TET3: variants seen among roughly 807,000 people sequenced by gnomAD.
The protein encoded by TET3 is tet methylcytosine dioxygenase 3, also known as methylcytosine dioxygenase TET3.
TET3 carries 19 observed loss-of-function variants against 141.4 expected under a neutral mutation model. The observed-to-expected ratio is 0.13, with a 90% CI of 0.09 to 0.20. The LOEUF is 0.20. TET3 is among the 10% of genes least tolerant of loss of function. The pLI is 1.00. For missense variants in TET3, 1,874 were observed against 2,356.9 expected (o/e 0.80, Z 4.24); for synonymous variants, 1,043 against 980.9 (o/e 1.06, Z -1.18).
the TET3 span, among the ~76,000 whole-genome samples, chr2:74,126,163 TGAAATCTGGA>T: frequency 6.7e-6 from 1 of 149,798 alleles, no homozygotes; most frequent in Admixed American, 6.8e-5. Context: ...TAGAGCCAAT[TGAAATCTGGA>T]GAAATTTGGT....
chr2:74,092,839 T>A, intron 8 of TET3, 63 bp from the exon 9 acceptor site: 1 of 1,429,120 alleles, frequency 7.0e-7, no homozygotes, highest in Non-Finnish European at 9.7e-7. Flanking sequence ...CCAGTCCACT[T>A]CCAGGGTGCA....
intron 3 of TET3, among the ~76,000 whole-genome samples, chr2:74,023,589 C>A (rs1686178432): frequency 6.6e-6 from 1 of 152,184 alleles, no homozygotes. Flanking sequence ...TTTTTCTGCA[C>A]CTTAATCCAG....
intron 8 of TET3, among the ~76,000 whole-genome samples, chr2:74,092,654 A>C (rs1056572425): frequency 6.6e-6 from 1 of 152,226 alleles, no homozygotes; most frequent in East Asian, 1.9e-4. Flanking sequence ...AAGGAGCAGT[A>C]GTTTAGCAGT....
intron 3 of TET3, among the ~76,000 whole-genome samples, chr2:74,007,463 G>A (rs1685206780): frequency 6.6e-6 from 1 of 152,204 alleles, no homozygotes; most frequent in Non-Finnish European, 1.5e-5. Context: ...GGCATTAGAT[G>A]TTTCGGATTT....
chr2:74,079,528 T>G (rs1689692843), intron 5 of TET3, among the ~76,000 whole-genome samples: 2 of 152,188 alleles, frequency 1.3e-5, no homozygotes, highest in African/African-American at 4.8e-5. Flanking sequence ...TTTACATTAT[T>G]AAAAATAATT....
In TET3 at chr2:74,071,047, A is replaced by T. The variant is rs539791609; in HGVS notation, c.2495-2502A>T. On this transcript the variant is annotated intron_variant, in intron 4 of 11. Coordinates refer to ENST00000409262, the MANE Select transcript of TET3 (RefSeq NM_001287491.2). Reference sequence around the variant, plus strand: ...TTTCTCACAGCTGTAGAGGCTGAGAATGCTAAGATCAAGGCACCAGCAGAT... The same window carrying T: ...TTTCTCACAGCTGTAGAGGCTGAGATTGCTAAGATCAAGGCACCAGCAGAT... Among the ~76,000 whole-genome samples, 131 of 152,332 alleles carry T rather than the reference A, an allele frequency of 8.6e-4. 1 individual carries two copies. The highest frequency in any genetic ancestry group is 2.8e-3 in the African/African-American group (117 of 41,570).
chr2:74,071,862 T>C (rs1182147281), intron 4 of TET3, among the ~76,000 whole-genome samples: 1 of 152,228 alleles, frequency 6.6e-6, no homozygotes, highest in East Asian at 1.9e-4. Flanking sequence ...GTCTGTTTTC[T>C]TTCACTTAGA....
rs186618499 is a variant in TET3 at position 74,039,847 on chromosome 2, T to A, written c.361-6431T>A. On this transcript the variant is annotated intron_variant, in intron 3 of 11. Transcript: ENST00000409262. ...CTGGGCTTCCTCACAGCATGGTGACTGGGCTCCAAGAGTGAGAATCCCAAG... is the reference window on the plus strand; with the variant it reads ...CTGGGCTTCCTCACAGCATGGTGACAGGGCTCCAAGAGTGAGAATCCCAAG... Among the ~76,000 whole-genome samples the A allele has an allele frequency of 1.0e-3, 159 of 152,300 alleles. 1 individual carries two copies. The highest frequency in any genetic ancestry group is 3.7e-3 in the African/African-American group (153 of 41,560).
intron 3 of TET3, among the ~76,000 whole-genome samples, chr2:74,034,912 G>A (rs1211910191): frequency 6.6e-6 from 1 of 151,954 alleles, no homozygotes; most frequent in Non-Finnish European, 1.5e-5. Context: ...GTTGTTGAGG[G>A]CCGGGCGCAG....
In TET3 at chr2:74,087,720, C is replaced by T. The variant is rs1470669131; in HGVS notation, c.2680-110C>T. On this transcript the variant is annotated intron_variant, in intron 6 of 11. Transcript: ENST00000409262. This position sits in a 1 kb window ranked among gnomAD's most constrained non-coding sequence, Gnocchi z 4.3. ...TCTTCAGGGCATGACATCCCTAGAA[C>T]CCTGCCGTTAAGACCTGCACCCTGG... is the stretch of plus-strand genomic sequence containing the variant. 9.3e-7 allele frequency: 1 copy of T among 1,071,250 alleles called. No individual in the cohort carries two copies. The highest frequency in any genetic ancestry group is 1.6e-5 in the African/African-American group (1 of 62,606). 66.4% of individuals were successfully genotyped at this position (1,071,250 alleles called of 1,614,324 possible).
Position 74,026,206 on chromosome 2 carries a change from G to C in TET3, c.361-20072G>C, listed in dbSNP as rs561177510. ...TAGCCTGGGATGGAGGCCATCGCTGGGGGGAGAGAGGGACTTTGACACTGG... is the reference window on the plus strand; with the variant it reads ...TAGCCTGGGATGGAGGCCATCGCTGCGGGGAGAGAGGGACTTTGACACTGG... On this transcript the variant is annotated intron_variant, in intron 3 of 11. Transcript: ENST00000409262. Among the ~76,000 whole-genome samples the C allele has an allele frequency of 6.6e-5, 10 of 152,240 alleles. No homozygotes were observed. The East Asian group carries it at 7.7e-4, about 12-fold the overall frequency.
intron 2 of TET3, 178 bp from the exon 3 acceptor site, chr2:74,002,932 C>A: frequency 1.6e-6 from 1 of 640,424 alleles, no homozygotes; most frequent in Non-Finnish European, 2.8e-6. Context: ...GCCTGTCTGC[C>A]GTGATCCAGG....
At chr2:73,988,553 C>T (rs540816757) in intron 2 of TET3, among the ~76,000 whole-genome samples, 1 of 152,260 alleles carries the variant, frequency 6.6e-6, no homozygotes, top group South Asian at 2.1e-4. Flanking sequence ...GCCGGGTGGT[C>T]TTGGTTAAGA....
intron 4 of TET3, among the ~76,000 whole-genome samples, chr2:74,069,584 C>CTTATCTT (rs1354423545): frequency 2.0e-5 from 3 of 151,462 alleles, no homozygotes; most frequent in African/African-American, 7.3e-5. Context: ...TATGCCCTTT[C>CTTATCTT]TTATCTTTTT....
Position 74,099,537 on chromosome 2 carries a change from C to G in TET3, c.3529C>G (p.Gln1177Glu), listed in dbSNP as rs1558793818. 3 of 1,611,698 alleles carry G rather than the reference C, an allele frequency of 1.9e-6. No individual in the cohort carries two copies. The highest frequency in any genetic ancestry group is 1.1e-5 in the South Asian group (1 of 90,626). ...RKAAAEKKKI[Q>E]KEKLSTPEKI... is the part of the protein sequence containing the mutation. ...GGCAGCAGCCGAGAAGAAGAAGATT[C>G]AGAAGGAGAAGCTGAGCACTCCGGA... The change falls in exon 11 of 12, where the codon CAG becomes GAG. Residue 1177 changes from glutamine (Q) to glutamate (E), a missense_variant. By Grantham distance (29) the Gln-to-Glu change is conservative. This residue lies in a region of TET3 where 602 missense variants were observed against 590.2 expected (regional missense o/e 1.02). Coordinates refer to ENST00000409262, the MANE Select transcript of TET3 (RefSeq NM_001287491.2).
chr2:74,028,124 C>T (rs75284783), intron 3 of TET3, among the ~76,000 whole-genome samples: 1 of 151,650 alleles, frequency 6.6e-6, no homozygotes, highest in East Asian at 1.9e-4. Context: ...GCTAGGACTA[C>T]AGATGTGTGC....
At chr2:74,040,078 C>T (rs913148480) in intron 3 of TET3, among the ~76,000 whole-genome samples, 1 of 152,168 alleles carries the variant, frequency 6.6e-6, no homozygotes, top group Non-Finnish European at 1.5e-5. Context: ...CACAGTATGT[C>T]ACACGTATTA....
At chr2:74,062,421 A>T (rs1329986561) in intron 4 of TET3, among the ~76,000 whole-genome samples, 1 of 152,218 alleles carries the variant, frequency 6.6e-6, no homozygotes, top group African/African-American at 2.4e-5. Context: ...ATTTTTCTAA[A>T]ACAAAAGATA....
chr2:74,134,990 G>A, the TET3 span: 32 of 271,538 alleles, frequency 1.2e-4, 1 homozygote, highest in South Asian at 1.1e-3. Context: ...CTGTGAGGGA[G>A]GCAGGGAAAG....
Sources: gnomAD v4.1 joint callset for allele counts (sites outside exome capture counted in the v4.1 genomes callset) on GRCh38, gnomAD v4.1.1 for gene constraint, gnomAD v4.1.1 regional missense constraint, Gnocchi (gnomAD v3.1) non-coding constraint, MANE v1.5 for transcripts, NCBI Gene and HGNC (gene_info 2026-07-23, HGNC 2026-07-21) for gene names.